XNDC1N: variants seen among roughly 807,000 people sequenced by gnomAD.
XNDC1N encodes protein XNDC1N.
At chr11:71,882,064 C>T in the XNDC1N span, among the ~76,000 whole-genome samples, 1 of 151,734 alleles carries the variant, frequency 6.6e-6, no homozygotes, top group East Asian at 1.9e-4. Flanking sequence ...TATATTGAAA[C>T]TGCCAAAAAT....
At chr11:71,916,602 T>TTG in the XNDC1N span, 1 of 221,982 alleles carries the variant, frequency 4.5e-6, no homozygotes, top group South Asian at 8.7e-5. Context: ...ACCTGAGATA[T>TTG]ATATTGGCCC....
chr11:71,875,048 G>C, the XNDC1N span, among the ~76,000 whole-genome samples: 2 of 152,128 alleles, frequency 1.3e-5, no homozygotes, highest in Admixed American at 6.5e-5. Flanking sequence ...AAATAGTAGA[G>C]AAGCCCCCTG....
At chr11:71,899,073 C>T in the XNDC1N span, among the ~76,000 whole-genome samples, 6 of 152,166 alleles carry the variant, frequency 3.9e-5, no homozygotes, top group African/African-American at 1.2e-4. Flanking sequence ...TCTTCTTCTT[C>T]TTGCATTATT....
At chr11:71,906,456 G>A in the XNDC1N span, among the ~76,000 whole-genome samples, 1 of 152,046 alleles carries the variant, frequency 6.6e-6, no homozygotes, top group Non-Finnish European at 1.5e-5. Flanking sequence ...GACATTAGAA[G>A]TCACATCCCC....
chr11:71,894,620 T>A, the XNDC1N span, among the ~76,000 whole-genome samples: 11 of 152,228 alleles, frequency 7.2e-5, no homozygotes, highest in Admixed American at 7.2e-4. Context: ...CATGACTGAA[T>A]CCTCTATACC....
At chr11:71,917,969 C>T in the XNDC1N span, among the ~76,000 whole-genome samples, 1 of 152,320 alleles carries the variant, frequency 6.6e-6, no homozygotes, top group South Asian at 2.1e-4. Flanking sequence ...CAATGTCACA[C>T]GTTCACCATG....
chr11:71,880,212 T>C, the XNDC1N span, among the ~76,000 whole-genome samples: 1 of 152,204 alleles, frequency 6.6e-6, no homozygotes, highest in East Asian at 1.9e-4. Flanking sequence ...GTATTTATTA[T>C]AAAGTATTGG....
chr11:71,928,167 T>A, the XNDC1N span: 3 of 438,468 alleles, frequency 6.8e-6, no homozygotes, highest in Non-Finnish European at 1.2e-5. Flanking sequence ...TGAACTGGCA[T>A]GACAGCCTAA....
the XNDC1N span, chr11:71,923,370 G>A: frequency 1.4e-6 from 1 of 702,896 alleles, no homozygotes; most frequent in Non-Finnish European, 2.6e-6. Context: ...CCCAGCAGCT[G>A]TTTCAAGTAC....
chr11:71,883,294 G>A, the XNDC1N span, among the ~76,000 whole-genome samples: 819 of 152,142 alleles, frequency 5.4e-3, 2 homozygotes, highest in Non-Finnish European at 8.0e-3. Flanking sequence ...AAAACAATGA[G>A]CAAGAAAAAC....
At chr11:71,928,591 G>T in the XNDC1N span, 1 of 702,448 alleles carries the variant, frequency 1.4e-6, no homozygotes, top group Non-Finnish European at 2.6e-6. Context: ...ATACATTTCC[G>T]TGTGTTTTAA....
the XNDC1N span, chr11:71,928,364 C>T: frequency 1.5e-6 from 1 of 668,020 alleles, no homozygotes; most frequent in Non-Finnish European, 2.7e-6. Flanking sequence ...ACGCCCCTCA[C>T]CCGGGACCGT....
the XNDC1N span, among the ~76,000 whole-genome samples, chr11:71,896,113 A>C: frequency 5.3e-5 from 8 of 152,228 alleles, no homozygotes; most frequent in Non-Finnish European, 1.0e-4. Context: ...CCCCGTCTCC[A>C]CGGTAAACAC....
chr11:71,912,755 T>G, the XNDC1N span, among the ~76,000 whole-genome samples: 1 of 152,050 alleles, frequency 6.6e-6, no homozygotes, highest in Non-Finnish European at 1.5e-5. Context: ...GGAAGGGATG[T>G]ACAGACCCTG....
At chr11:71,896,312 G>C in the XNDC1N span, among the ~76,000 whole-genome samples, 1 of 152,174 alleles carries the variant, frequency 6.6e-6, no homozygotes, top group Non-Finnish European at 1.5e-5. Flanking sequence ...CAAGAAGGTG[G>C]AAAGTATAAA....
chr11:71,913,255 C>G, the XNDC1N span, among the ~76,000 whole-genome samples: 5 of 152,038 alleles, frequency 3.3e-5, no homozygotes, highest in South Asian at 1.0e-3. Context: ...GTGTGGAAAC[C>G]CCCTGCGGTC....
At chr11:71,878,396 A>G in the XNDC1N span, 3 of 1,591,914 alleles carry the variant, frequency 1.9e-6, no homozygotes, top group Non-Finnish European at 2.6e-6. Context: ...GAATGTACAC[A>G]GAAGTCCTCT....
the XNDC1N span, chr11:71,914,459 G>A: frequency 4.5e-6 from 2 of 444,600 alleles, no homozygotes; most frequent in East Asian, 7.0e-5. Flanking sequence ...GGCTGAGGCG[G>A]GTGGATCACT....
chr11:71,896,966 AAGCTCATTGGTGGAACAGC>A, the XNDC1N span, among the ~76,000 whole-genome samples: 6 of 152,232 alleles, frequency 3.9e-5, no homozygotes, highest in Non-Finnish European at 8.8e-5. Context: ...AGTGCTAAGA[AAGCTCATTGGTGGAACAGC>A]AGCCTTTTCA....
Sources: gnomAD v4.1 joint callset for allele counts (sites outside exome capture counted in the v4.1 genomes callset) on GRCh38, gnomAD v4.1.1 for gene constraint, MANE v1.5 for transcripts, NCBI Gene and HGNC (gene_info 2026-07-23, HGNC 2026-07-21) for gene names.